WWOX: variants seen among roughly 807,000 people sequenced by gnomAD.
WWOX encodes the protein WW domain-containing oxidoreductase.
In WWOX, 69 loss-of-function variants were observed where a neutral mutation model predicts 46.2. The observed-to-expected ratio is 1.49, with a 90% CI of 1.23 to 1.82. The LOEUF (loss-of-function observed/expected upper bound fraction) is 1.82, where lower values mean the gene tolerates loss of function less well. WWOX is among the 40% of genes most tolerant of loss of function. The pLI is 0.00. For missense variants in WWOX, 919 were observed against 542.6 expected (o/e 1.69, Z -6.89); for synonymous variants, 359 against 202.6 (o/e 1.77, Z -6.56).
chr16:78,696,380 C>T (rs893430033), intron 8 of WWOX, among the ~76,000 whole-genome samples: 1 of 152,116 alleles, frequency 6.6e-6, no homozygotes, highest in African/African-American at 2.4e-5. Flanking sequence ...CAGTCCCTGA[C>T]TTATAATGGT....
At chr16:78,393,690 A>T (rs1030730741) in intron 6 of WWOX, among the ~76,000 whole-genome samples, 3 of 152,300 alleles carry the variant, frequency 2.0e-5, no homozygotes, top group African/African-American at 7.2e-5. Flanking sequence ...GGAAATTCAT[A>T]TTAAAATAAT....
intron 2 of WWOX, among the ~76,000 whole-genome samples, chr16:78,108,848 C>T (rs1471326676): frequency 6.6e-6 from 1 of 152,166 alleles, no homozygotes; most frequent in Non-Finnish European, 1.5e-5. Flanking sequence ...ATTAGCTGGG[C>T]ATGGTTGCAT....
chr16:79,041,079 G>C (rs979457965), intron 8 of WWOX, among the ~76,000 whole-genome samples: 2 of 151,934 alleles, frequency 1.3e-5, no homozygotes, highest in South Asian at 2.1e-4. Flanking sequence ...AGAATGCAAT[G>C]TCCTAATACA....
rs573378732 is a variant in WWOX, at chr16:79,105,094, C to T, written c.1057-106514C>T. 1.2e-4 allele frequency among the ~76,000 whole-genome samples: 18 copies of T among 152,232 alleles called. 1 individual carries two copies. In the South Asian group the frequency reaches 2.5e-3, roughly 21 times the overall value. ...TGACAGACTGGAACCAGCACAGGGA[C>T]GCAGCCCCTCACCTGCTGGGGGTCT... On this transcript the variant is annotated intron_variant, in intron 8 of 8. Coordinates refer to ENST00000566780, the MANE Select transcript of WWOX (RefSeq NM_016373.4).
At chr16:78,924,462 C>G (rs532890113) in intron 8 of WWOX, among the ~76,000 whole-genome samples, 16 of 152,288 alleles carry the variant, frequency 1.1e-4, no homozygotes, top group Admixed American at 8.5e-4. Flanking sequence ...GTTAAAATAT[C>G]TCACTTAAAA....
In WWOX at chr16:78,432,499, T is replaced by A. The variant is rs1202210719; in HGVS notation, c.803T>A (p.Ile268Asn). ...VSSESHRFTD[I>N]NDSLGKLDFS... is the part of the protein sequence containing the mutation. ...TTCCTATTTTTAAGATTTACAGATATTAACGACTCCTTGGGAAAACTGGAC... is the reference window on the plus strand; with the variant it reads ...TTCCTATTTTTAAGATTTACAGATAATAACGACTCCTTGGGAAAACTGGAC... Residue 268 changes from isoleucine to asparagine, a missense_variant, in exon 8 of 9, where the codon ATT becomes AAT. By Grantham distance (149) the Ile-to-Asn change is moderately radical (BLOSUM62 -3). Transcript: ENST00000566780. 3 of 1,614,138 alleles carry A rather than the reference T, an allele frequency of 1.9e-6. No individual in the cohort carries two copies. The South Asian group carries it at 3.3e-5, about 18-fold the overall frequency.
chr16:78,522,160 A>AAAAT (rs2043362592), intron 8 of WWOX, among the ~76,000 whole-genome samples: 1 of 151,818 alleles, frequency 6.6e-6, no homozygotes, highest in African/African-American at 2.4e-5. Context: ...AAAAAAAAAA[A>AAAAT]ACTTCAGAAG....
intron 8 of WWOX, among the ~76,000 whole-genome samples, chr16:79,192,994 C>T (rs757857491): frequency 6.6e-6 from 1 of 152,232 alleles, no homozygotes; most frequent in African/African-American, 2.4e-5. Flanking sequence ...TGCTACTTCT[C>T]TTTGGCTCAC....
At position 78,422,993 on chromosome 16, in the gene WWOX, C is replaced by G. The variant is rs145570766; in HGVS notation, c.606-1877C>G. ...CTCTGCCTCCTGGGTTCAAGTGATTCTCCTGCCTTAGCCTCCCAAGTAGCT... is the reference window on the plus strand; with the variant it reads ...CTCTGCCTCCTGGGTTCAAGTGATTGTCCTGCCTTAGCCTCCCAAGTAGCT... On this transcript the variant is annotated intron_variant, in intron 6 of 8. Transcript: ENST00000566780. Among the ~76,000 whole-genome samples, 1,032 of 150,604 alleles carry G rather than the reference C, an allele frequency of 6.9e-3. 9 individuals carry two copies. The highest frequency in any genetic ancestry group is 0.024 in the African/African-American group (970 of 40,870).
At chr16:78,110,152 C>T (rs1326710701) in intron 3 of WWOX, among the ~76,000 whole-genome samples, 1 of 151,638 alleles carries the variant, frequency 6.6e-6, no homozygotes, top group Non-Finnish European at 1.5e-5. Context: ...CCATTCTGGC[C>T]AACATGGTGA....
intron 8 of WWOX, among the ~76,000 whole-genome samples, chr16:78,940,960 C>G (rs958484387): frequency 3.9e-4 from 60 of 151,980 alleles, no homozygotes; most frequent in Non-Finnish European, 3.8e-4. Flanking sequence ...CCCCATCCCA[C>G]TCATATTTCA....
chr16:78,339,202 C>T lies in WWOX; in HGVS notation c.517-47658C>T, dbSNP rs1372465280. Among the ~76,000 whole-genome samples, 3 of 119,098 alleles carry T rather than the reference C, an allele frequency of 2.5e-5. 1 individual carries two copies. Among genetic ancestry groups the T allele is most frequent in the Admixed American group, 8.2e-5 (1 of 12,134 alleles). The allele number at this position is 119,098 out of a possible 152,430, so 78.1% of individuals were successfully genotyped here. A position where few individuals can be genotyped will look rare whatever the true frequency, so the allele number is the denominator to read the frequency against. ...TGTTATAAATAAGTAAGTGTATGCA[C>T]CACTATGCCATGTAGCATATCAAGA... On this transcript the variant is annotated intron_variant, in intron 5 of 8. Transcript: ENST00000566780.
intron 6 of WWOX, among the ~76,000 whole-genome samples, chr16:78,410,847 C>T (rs2082664401): frequency 6.7e-6 from 1 of 150,100 alleles, no homozygotes; most frequent in Admixed American, 6.6e-5. Flanking sequence ...GGGCCAAGGT[C>T]ATCTCAAGTC....
intron 8 of WWOX, among the ~76,000 whole-genome samples, chr16:78,835,906 G>C (rs998426957): frequency 1.3e-5 from 2 of 152,174 alleles, no homozygotes; most frequent in African/African-American, 4.8e-5. Context: ...AGAGCTCTGA[G>C]TTGTATCCTC....
At chr16:78,607,802 C>T (rs1409694559) in intron 8 of WWOX, among the ~76,000 whole-genome samples, 3 of 151,910 alleles carry the variant, frequency 2.0e-5, no homozygotes, top group Admixed American at 6.6e-5. Context: ...CTCTTTGGAG[C>T]GTGTCTTTTG....
chr16:78,731,879 G>C (rs1226686582), intron 8 of WWOX, among the ~76,000 whole-genome samples: 1 of 108,542 alleles, frequency 9.2e-6, no homozygotes, highest in African/African-American at 4.0e-5. Flanking sequence ...ACAGGGTCTT[G>C]CTTTATAGCC....
intron 8 of WWOX, among the ~76,000 whole-genome samples, chr16:78,493,822 C>G (rs1006666600): frequency 3.9e-5 from 6 of 152,144 alleles, no homozygotes; most frequent in African/African-American, 1.4e-4. Context: ...CCTGTAGAGT[C>G]CGTGTTCTTA....
At chr16:78,533,896 T>C (rs997800257) in intron 8 of WWOX, among the ~76,000 whole-genome samples, 1 of 152,168 alleles carries the variant, frequency 6.6e-6, no homozygotes, top group African/African-American at 2.4e-5. Flanking sequence ...TGGATGTGTG[T>C]CCATCTTGTT....
At chr16:78,403,982 A>G (rs778558652) in intron 6 of WWOX, among the ~76,000 whole-genome samples, 8 of 152,296 alleles carry the variant, frequency 5.3e-5, no homozygotes, top group Non-Finnish European at 1.0e-4. Context: ...ATCTTAACAT[A>G]TATTCATTTT....
Sources: gnomAD v4.1 joint callset for allele counts (sites outside exome capture counted in the v4.1 genomes callset) on GRCh38, gnomAD v4.1.1 for gene constraint, MANE v1.5 for transcripts, NCBI Gene and HGNC (gene_info 2026-07-23, HGNC 2026-07-21) for gene names.